CROT: variants seen among roughly 807,000 people sequenced by gnomAD.
CROT encodes carnitine O-octanoyltransferase.
A neutral mutation model predicts 89.2 loss-of-function variants in CROT; 84 were observed. The observed-to-expected ratio is 0.94, with a 90% CI of 0.79 to 1.13. The LOEUF (loss-of-function observed/expected upper bound fraction) is 1.13, where lower values mean the gene tolerates loss of function less well. CROT is among the 50% of genes most tolerant of loss of function. The pLI, the probability that CROT is intolerant of heterozygous loss-of-function variation, is 0.00. For missense variants in CROT, 711 were observed against 727.8 expected (o/e 0.98, Z 0.27); for synonymous variants, 212 against 239.5 (o/e 0.89, Z 1.06).
At chr7:87,375,286 TA>T (rs1482289738) in intron 7 of CROT, 8 of 190,588 alleles carry the variant, frequency 4.2e-5, no homozygotes, top group African/African-American at 1.7e-4. Flanking sequence ...ATTACCAGGA[TA>T]TTTTTCAAGT....
At chr7:87,346,667 A>AGTGGGTAT (rs1348481429) in intron 2 of CROT, among the ~76,000 whole-genome samples, 2 of 152,250 alleles carry the variant, frequency 1.3e-5, no homozygotes, top group African/African-American at 4.8e-5. Context: ...TAAGCACTAT[A>AGTGGGTAT]GTGGGTATGT....
intron 3 of CROT, among the ~76,000 whole-genome samples, chr7:87,356,013 C>G (rs778889623): frequency 2.6e-5 from 4 of 152,138 alleles, no homozygotes; most frequent in Non-Finnish European, 5.9e-5. Flanking sequence ...GATGAGATCT[C>G]ACTGTTACCC....
intron 6 of CROT, 38 bp downstream of exon 6, chr7:87,361,890 C>G (rs1245020532): frequency 1.9e-6 from 3 of 1,539,574 alleles, no homozygotes; most frequent in East Asian, 4.6e-5. Flanking sequence ...AGTAAAGGCA[C>G]TGGAATTTGG....
At position 87,373,393 on chromosome 7, in the gene CROT, C is replaced by A. The variant is rs564303040; in HGVS notation, c.657-2239C>A. ...GCTTGGCTTTTCACTTTCTTGATGG[C>A]CTCTTTTGATGCACAATATTTTTCG... On this transcript the variant is annotated intron_variant, in intron 7 of 17. Transcript: ENST00000331536. 9.2e-5 allele frequency among the ~76,000 whole-genome samples: 14 copies of A among 151,996 alleles called. No individual in the cohort carries two copies. The South Asian group carries it at 2.9e-3, about 32-fold the overall frequency.
chr7:87,361,302 C>A, intron 4 of CROT, 88 bp from the exon 5 acceptor site: 2 of 1,281,762 alleles, frequency 1.6e-6, no homozygotes, highest in Non-Finnish European at 1.1e-6. Flanking sequence ...AATTAAAGAA[C>A]AAATATAGCT....
chr7:87,381,808 C>A, intron 10 of CROT, 102 bp from the exon 11 acceptor site: 1 of 734,212 alleles, frequency 1.4e-6, no homozygotes. Flanking sequence ...AGACTCTATG[C>A]TTTATTATCT....
At chr7:87,347,697 G>GT (rs113692393) in intron 2 of CROT, among the ~76,000 whole-genome samples, 5,623 of 148,766 alleles carry the variant, frequency 0.038, 250 homozygotes, top group African/African-American at 0.098. Context: ...TAAAATAGAA[G>GT]TTTTTTTTTT....
At chr7:87,378,362 A>AAG (rs1584639244) in intron 10 of CROT, among the ~76,000 whole-genome samples, 3 of 150,388 alleles carry the variant, frequency 2.0e-5, no homozygotes, top group African/African-American at 4.9e-5. Context: ...AAAAAAAAAA[A>AAG]GGGTTCAGTA....
chr7:87,349,107 A>G lies in CROT; in HGVS notation c.39A>G (p.Thr13=), dbSNP rs747831338. Reference sequence around the variant, plus strand: ...TGGCTAAATCAACTGAAGAACGAACATTTCAGTACCAGGATTCTCTTCCAT... The same window carrying G: ...TGGCTAAATCAACTGAAGAACGAACGTTTCAGTACCAGGATTCTCTTCCAT... ...NQLAKSTEER[T]FQYQDSLPSL... is the part of the protein sequence containing the mutation. Residue 13 remains threonine (T), a synonymous_variant, in exon 3 of 18, where the codon ACA becomes ACG. Transcript: ENST00000331536. The G allele has an allele frequency of 6.2e-7, 1 of 1,607,328 alleles. No individual in the cohort carries two copies. The highest frequency in any genetic ancestry group is 1.1e-5 in the South Asian group (1 of 89,784).
chr7:87,351,328 A>G (rs900682993), intron 3 of CROT, among the ~76,000 whole-genome samples: 22 of 151,330 alleles, frequency 1.5e-4, no homozygotes, highest in African/African-American at 2.2e-4. Context: ...AAAAAAAAAA[A>G]AAAAGAAAAG....
chr7:87,382,566 T>A (rs1463660688), intron 13 of CROT, 23 bp downstream of exon 13: 1 of 1,602,008 alleles, frequency 6.2e-7, no homozygotes, highest in Non-Finnish European at 8.5e-7. Context: ...CAGTTTCTAT[T>A]TTCACAGTCT....
At chr7:87,397,215 G>C (rs1807557424) in intron 17 of CROT, among the ~76,000 whole-genome samples, 1 of 152,070 alleles carries the variant, frequency 6.6e-6, no homozygotes, top group Non-Finnish European at 1.5e-5. Flanking sequence ...AGCTGGTGTG[G>C]TAGCACACAC....
intron 4 of CROT, chr7:87,359,970 T>C: frequency 1.0e-6 from 1 of 981,640 alleles, no homozygotes; most frequent in Non-Finnish European, 1.2e-6. Context: ...ACCTATCATT[T>C]AGTTTTAGAA....
intron 14 of CROT, 82 bp from the exon 15 acceptor site, chr7:87,392,484 C>T: frequency 1.9e-6 from 2 of 1,045,478 alleles, no homozygotes; most frequent in Non-Finnish European, 1.5e-6. Flanking sequence ...TACCCCAATC[C>T]TAATTACAAT....
At position 87,361,745 on chromosome 7, in the gene CROT, A is replaced by T; in HGVS notation, c.440A>T (p.His147Leu). The T allele has an allele frequency of 6.3e-7, 1 of 1,584,680 alleles. No homozygotes were observed. Among genetic ancestry groups the T allele is most frequent in the Non-Finnish European group, 8.5e-7 (1 of 1,170,494 alleles). ...QLLRKEKVPV[H>L]KVGNTPLDMN... is the part of the protein sequence containing the mutation. ...TTTAATAGAGAAAAAGTGCCTGTTC[A>T]TAAAGTTGGAAATACTCCTCTAGAT... is the stretch of plus-strand genomic sequence containing the variant. The change falls in exon 6 of 18, where the codon CAT becomes CTT. Residue 147 changes from histidine to leucine, a missense_variant. By Grantham distance (99) the His-to-Leu change is moderately conservative. Transcript: ENST00000331536.
intron 6 of CROT, among the ~76,000 whole-genome samples, chr7:87,366,330 C>T (rs939430709): frequency 3.3e-5 from 5 of 151,702 alleles, no homozygotes; most frequent in Non-Finnish European, 5.9e-5. Context: ...GTTTTCCCTT[C>T]GTCCTTAACA....
At chr7:87,394,891 C>G (rs78393521) in intron 17 of CROT, among the ~76,000 whole-genome samples, 4 of 151,924 alleles carry the variant, frequency 2.6e-5, no homozygotes, top group African/African-American at 9.7e-5. Context: ...GAAGTAGAGG[C>G]AGCAGACAAG....
chr7:87,392,288 T>C (rs2116183629), intron 14 of CROT, among the ~76,000 whole-genome samples: 1 of 152,350 alleles, frequency 6.6e-6, no homozygotes, highest in South Asian at 2.1e-4. Context: ...ATTTTTGAAA[T>C]ATCGGTTGCT....
Position 87,375,678 on chromosome 7 carries a change from C to T in CROT, c.703C>T (p.Pro235Ser), listed in dbSNP as rs748387087. The T allele has an allele frequency of 6.2e-7, 1 of 1,613,552 alleles. No individual in the cohort carries two copies. The highest frequency in any genetic ancestry group is 2.2e-5 in the East Asian group (1 of 44,862). Residue 235 changes from proline (P) to serine (S), a missense_variant, in exon 8 of 18, where the codon CCT (proline) becomes TCT (serine). Coordinates refer to ENST00000331536, the MANE Select transcript of CROT (RefSeq NM_021151.4). ...GAAGTGCCATAGTGAACCTGATGGA[C>T]CTGGGATTGCAGCATTAACTAGTGA... ...HKKCHSEPDG[P>S]GIAALTSEER... is the part of the protein sequence containing the mutation.
Sources: gnomAD v4.1 joint callset for allele counts (sites outside exome capture counted in the v4.1 genomes callset) on GRCh38, gnomAD v4.1.1 for gene constraint, MANE v1.5 for transcripts, NCBI Gene and HGNC (gene_info 2026-07-23, HGNC 2026-07-21) for gene names.